EPB41L3: variants seen among roughly 807,000 people sequenced by gnomAD.
EPB41L3 encodes band 4.1-like protein 3.
In EPB41L3, 57 loss-of-function variants were observed where a neutral mutation model predicts 127.1. The observed-to-expected ratio is 0.45, with a 90% CI of 0.36 to 0.56. The LOEUF (loss-of-function observed/expected upper bound fraction) is 0.56, where lower values mean the gene tolerates loss of function less well. Ranked by LOEUF, EPB41L3 falls within the 20% of genes least tolerant of loss-of-function variation. The pLI is 0.00. For synonymous variants in EPB41L3, 572 were observed against 549.5 expected, an observed-to-expected ratio of 1.04 and a Z score of -0.57; for missense variants, 1,273 against 1,372.2, an observed-to-expected ratio of 0.93 and a Z score of 1.14.
intron 14 of EPB41L3, among the ~76,000 whole-genome samples, chr18:5,410,208 AT>A (rs1337629225): frequency 2.0e-5 from 3 of 148,296 alleles, no homozygotes; most frequent in Admixed American, 6.6e-5. Flanking sequence ...TTGAGATAGA[AT>A]TTTTTTCTAA....
intron 1 of EPB41L3, among the ~76,000 whole-genome samples, chr18:5,531,492 G>A (rs1206334875): frequency 6.6e-6 from 1 of 152,052 alleles, no homozygotes; most frequent in East Asian, 1.9e-4. Context: ...GGAGGATGAG[G>A]TGGGCAGATC....
intron 1 of EPB41L3, among the ~76,000 whole-genome samples, chr18:5,519,173 G>A (rs548576569): frequency 2.6e-5 from 4 of 152,334 alleles, no homozygotes; most frequent in African/African-American, 9.6e-5. Flanking sequence ...TGTTTTTTGT[G>A]AAGGCGTGCA....
At chr18:5,548,843 T>C (rs2093923793), upstream of EPB41L3, among the ~76,000 whole-genome samples, 1 of 152,222 alleles carries the variant, frequency 6.6e-6, no homozygotes, top group Admixed American at 6.5e-5. Flanking sequence ...AGAATGGAAG[T>C]TGTTAATCTG....
chr18:5,583,940 C>G (rs539200576), intron 3 of EPB41L3, among the ~76,000 whole-genome samples: 2 of 152,120 alleles, frequency 1.3e-5, no homozygotes, highest in African/African-American at 4.8e-5. Context: ...TCCCGAGTAG[C>G]TGGGATTACA....
At chr18:5,476,808 AT>A (rs1385766397) in intron 3 of EPB41L3, among the ~76,000 whole-genome samples, 2 of 152,206 alleles carry the variant, frequency 1.3e-5, no homozygotes, top group Non-Finnish European at 2.9e-5. Context: ...TATTTCCAGA[AT>A]TCAGATCTAG....
Position 5,593,388 on chromosome 18 carries a change from GC to G in EPB41L3, c.-306+18951del, listed in dbSNP as rs572719946. Among the ~76,000 whole-genome samples the G allele has an allele frequency of 2.0e-5, 3 of 152,194 alleles. No individual in the cohort carries two copies. The East Asian group carries it at 5.8e-4, about 29-fold the overall frequency. On this transcript the variant is annotated intron_variant, in intron 3 of 21. Coordinates refer to the EPB41L3 transcript ENST00000545076. ...ATCACATTTTGGTAGGTTCCAAGAT[GC>G]CCCCTGAGCCGTAAAACCAGCAAGT...
intron 13 of EPB41L3, among the ~76,000 whole-genome samples, chr18:5,412,820 G>A (rs2076356735): frequency 6.7e-6 from 1 of 150,146 alleles, no homozygotes; most frequent in South Asian, 2.1e-4. Flanking sequence ...TAACTGTATT[G>A]GGTAATGGAT....
intron 1 of EPB41L3, among the ~76,000 whole-genome samples, chr18:5,507,813 C>T (rs939368049): frequency 2.6e-5 from 4 of 152,186 alleles, no homozygotes; most frequent in Non-Finnish European, 5.9e-5. Context: ...AATATTACCT[C>T]CTCCTTTAGA....
intron 2 of EPB41L3, among the ~76,000 whole-genome samples, chr18:5,613,658 A>T (rs550305240): frequency 6.6e-6 from 1 of 152,266 alleles, no homozygotes; most frequent in African/African-American, 2.4e-5. Context: ...TCATTCTCCC[A>T]TAAGCTTAGA....
chr18:5,587,544 T>C (rs2094451534), intron 3 of EPB41L3, among the ~76,000 whole-genome samples: 1 of 152,180 alleles, frequency 6.6e-6, no homozygotes, highest in South Asian at 2.1e-4. Context: ...ACTGGGGGTC[T>C]TGGAATGCAT....
At chr18:5,453,602 CTTAT>C (rs1388955867) in intron 3 of EPB41L3, among the ~76,000 whole-genome samples, 2 of 152,160 alleles carry the variant, frequency 1.3e-5, no homozygotes, top group Non-Finnish European at 2.9e-5. Context: ...CTTCTGTATC[CTTAT>C]TTGAGGGGCT....
chr18:5,544,091 G>A, upstream of EPB41L3: 1 of 985,654 alleles, frequency 1.0e-6, no homozygotes, highest in Non-Finnish European at 1.2e-6. Flanking sequence ...GAGCTGCGGC[G>A]GGGGCCCACG....
chr18:5,576,983 A>G (rs1295945573), intron 3 of EPB41L3, among the ~76,000 whole-genome samples: 1 of 129,854 alleles, frequency 7.7e-6, no homozygotes, highest in Non-Finnish European at 1.8e-5. Flanking sequence ...CAGAGCAAAG[A>G]CTTTCTGACG....
At chr18:5,589,131 C>T (rs1296684680) in intron 3 of EPB41L3, among the ~76,000 whole-genome samples, 2 of 152,036 alleles carry the variant, frequency 1.3e-5, no homozygotes, top group African/African-American at 2.4e-5. Flanking sequence ...AAAGAGTTTA[C>T]CGTAATTTCC....
At chr18:5,594,587 T>C (rs148421353) in intron 3 of EPB41L3, among the ~76,000 whole-genome samples, 72 of 152,316 alleles carry the variant, frequency 4.7e-4, no homozygotes, top group African/African-American at 1.7e-3. Flanking sequence ...TTCCTAAGAT[T>C]GTGTATCTTC....
At chr18:5,630,633 T>C (rs749513361), upstream of EPB41L3, 11 of 437,844 alleles carry the variant, frequency 2.5e-5, no homozygotes, top group Non-Finnish European at 4.9e-5. Flanking sequence ...CACCTCCAAG[T>C]TGCCACCTGC....
At position 5,434,141 on chromosome 18, in the gene EPB41L3, C is replaced by T; in HGVS notation, c.606-20G>A. ...TAGTACCTTCCAGGAACCAAAAGCA[C>T]AACACAACGAAGGCAGCATGAGGAT... On this transcript the variant is annotated intron_variant, in intron 6 of 22. Coordinates refer to ENST00000341928, the MANE Select transcript of EPB41L3 (RefSeq NM_012307.5). 6.2e-7 allele frequency: 1 copy of T among 1,605,260 alleles called. No homozygotes were observed. Among genetic ancestry groups the T allele is most frequent in the Non-Finnish European group, 8.5e-7 (1 of 1,172,332 alleles).
chr18:5,423,291 T>C (rs2077709224), intron 11 of EPB41L3, 87 bp downstream of exon 11: 1 of 1,318,512 alleles, frequency 7.6e-7, no homozygotes, highest in Non-Finnish European at 1.0e-6. Flanking sequence ...TATCCAGGAA[T>C]ATCTATACTT....
intron 3 of EPB41L3, among the ~76,000 whole-genome samples, chr18:5,458,142 AT>A (rs1387438962): frequency 7.9e-5 from 12 of 152,144 alleles, no homozygotes; most frequent in African/African-American, 2.9e-4. Context: ...TTCATGACCA[AT>A]TTGTTTATAT....
Sources: gnomAD v4.1 joint callset for allele counts (sites outside exome capture counted in the v4.1 genomes callset) on GRCh38, gnomAD v4.1.1 for gene constraint, MANE v1.5 for transcripts, NCBI Gene and HGNC (gene_info 2026-07-23, HGNC 2026-07-21) for gene names.